The following GRM7 variants were observed in gnomAD, a reference collection of about 807,000 sequenced individuals.
GRM7 encodes the protein metabotropic glutamate receptor 7.
Under a neutral mutation model 84.5 loss-of-function variants are expected in GRM7, and 35 were observed. That is an observed-to-expected ratio of 0.41 (90% CI 0.32 to 0.55). GRM7 has a LOEUF of 0.55. GRM7 is among the 20% of genes least tolerant of loss of function. The pLI is 0.19. For synonymous variants in GRM7, 487 were observed against 455.1 expected (o/e 1.07, Z -0.89); for missense variants, 1,003 against 1,194.6 (o/e 0.84, Z 2.36).
At chr3:7,719,048 G>A (rs1225521641) in intron 9 of GRM7, among the ~76,000 whole-genome samples, 1 of 152,166 alleles carries the variant, frequency 6.6e-6, no homozygotes, top group African/African-American at 2.4e-5. Context: ...AATGAGATGG[G>A]TGGTTGTGGT....
At chr3:7,268,985 C>G (rs981840998) in intron 2 of GRM7, among the ~76,000 whole-genome samples, 1 of 152,146 alleles carries the variant, frequency 6.6e-6, no homozygotes, top group Non-Finnish European at 1.5e-5. Flanking sequence ...GACCCTCCAT[C>G]AGACAGAATG....
At chr3:7,443,420 T>C (rs916989073) in intron 5 of GRM7, among the ~76,000 whole-genome samples, 1 of 152,140 alleles carries the variant, frequency 6.6e-6, no homozygotes, top group African/African-American at 2.4e-5. Flanking sequence ...AATGTCTTTA[T>C]AAAATTTTTT....
chr3:7,519,325 G>T (rs1232400075), intron 7 of GRM7, among the ~76,000 whole-genome samples: 1 of 151,294 alleles, frequency 6.6e-6, no homozygotes, highest in Non-Finnish European at 1.5e-5. Context: ...TAGCACCACT[G>T]CACTCCAGGC....
At chr3:7,055,525 A>C (rs186621652) in intron 1 of GRM7, among the ~76,000 whole-genome samples, 2 of 149,098 alleles carry the variant, frequency 1.3e-5, no homozygotes, top group Middle Eastern at 3.4e-3. Context: ...ATATATATAC[A>C]TACACACACA....
intron 2 of GRM7, among the ~76,000 whole-genome samples, chr3:7,239,367 A>C (rs1697466077): frequency 6.6e-6 from 1 of 152,152 alleles, no homozygotes; most frequent in South Asian, 2.1e-4. Flanking sequence ...CTTTGAGGAA[A>C]GACGGAGCTG....
rs779474254 is a variant in GRM7, at chr3:7,291,138, CT to C, written c.737-7534del. On this transcript the variant is annotated intron_variant, in intron 2 of 9. Coordinates refer to ENST00000357716, the MANE Select transcript of GRM7 (RefSeq NM_000844.4). ...CTCTTTAGCTTTGTAATTTTCTTGA[CT>C]TTTTTTTTTTTAATATTCAGGAATT... Among the ~76,000 whole-genome samples, 597 of 145,394 alleles carry C rather than the reference CT, an allele frequency of 4.1e-3. 2 individuals carry two copies. The highest frequency in any genetic ancestry group is 0.011 in the African/African-American group (427 of 39,852).
At chr3:6,997,208 T>G (rs1694856392) in intron 1 of GRM7, among the ~76,000 whole-genome samples, 1 of 152,314 alleles carries the variant, frequency 6.6e-6, no homozygotes, top group South Asian at 2.1e-4. Context: ...ATTAATATTT[T>G]CTTGGTCAGG....
intron 1 of GRM7, among the ~76,000 whole-genome samples, chr3:6,872,343 C>T (rs991531952): frequency 1.3e-5 from 2 of 152,170 alleles, no homozygotes; most frequent in East Asian, 3.8e-4. Context: ...TCCAAGCTTG[C>T]ATGCTCCATT....
intron 4 of GRM7, among the ~76,000 whole-genome samples, chr3:7,331,895 T>G (rs112346357): frequency 2.6e-5 from 4 of 152,110 alleles, no homozygotes; most frequent in Admixed American, 1.3e-4. Context: ...AGTTTGACAC[T>G]GAGAAGTAGC....
chr3:6,960,686 C>T (rs1437873765), intron 1 of GRM7, among the ~76,000 whole-genome samples: 5 of 152,132 alleles, frequency 3.3e-5, no homozygotes, highest in Non-Finnish European at 7.4e-5. Flanking sequence ...TCCCAATCTC[C>T]AATATTTTCT....
intron 1 of GRM7, among the ~76,000 whole-genome samples, chr3:6,966,077 G>A (rs528158430): frequency 5.3e-5 from 8 of 152,296 alleles, no homozygotes; most frequent in African/African-American, 1.9e-4. Context: ...TATCACGAGT[G>A]CTATACGAAA....
chr3:6,955,924 G>T (rs919800026), intron 1 of GRM7, among the ~76,000 whole-genome samples: 1 of 151,906 alleles, frequency 6.6e-6, no homozygotes, highest in Non-Finnish European at 1.5e-5. Context: ...TGCTGGATTT[G>T]TGCAGTGACA....
chr3:7,075,515 T>C (rs1249079648), intron 1 of GRM7, among the ~76,000 whole-genome samples: 8 of 106,916 alleles, frequency 7.5e-5, no homozygotes, highest in African/African-American at 1.4e-4. Flanking sequence ...TGTGTGTGTG[T>C]GTGTGTGTGT....
At chr3:6,931,438 T>A (rs1412100231) in intron 1 of GRM7, among the ~76,000 whole-genome samples, 1 of 152,194 alleles carries the variant, frequency 6.6e-6, no homozygotes, top group Non-Finnish European at 1.5e-5. Context: ...TGTTCCCACC[T>A]TCCATTACGT....
intron 7 of GRM7, among the ~76,000 whole-genome samples, chr3:7,533,636 C>G (rs958551718): frequency 1.3e-5 from 2 of 152,134 alleles, no homozygotes; most frequent in African/African-American, 4.8e-5. Flanking sequence ...AGAGGAAACC[C>G]CAATCCTGAA....
At chr3:7,047,136 T>A (rs1696834710) in intron 1 of GRM7, among the ~76,000 whole-genome samples, 1 of 152,000 alleles carries the variant, frequency 6.6e-6, no homozygotes, top group Non-Finnish European at 1.5e-5. Flanking sequence ...ACTACCTGTT[T>A]TTTTTTTAAT....
At chr3:7,302,635 C>T (rs935593017) in intron 3 of GRM7, among the ~76,000 whole-genome samples, 3 of 151,906 alleles carry the variant, frequency 2.0e-5, no homozygotes, top group Non-Finnish European at 4.4e-5. Flanking sequence ...AATTTTTGGT[C>T]AGCTTTTATT....
intron 2 of GRM7, among the ~76,000 whole-genome samples, chr3:7,179,112 T>TA (rs1302400026): frequency 6.6e-6 from 1 of 151,742 alleles, no homozygotes; most frequent in African/African-American, 2.4e-5. Flanking sequence ...TTTAAAAAAA[T>TA]AAAAAAATGT....
At chr3:6,991,886 T>C (rs1694649235) in intron 1 of GRM7, among the ~76,000 whole-genome samples, 1 of 152,150 alleles carries the variant, frequency 6.6e-6, no homozygotes, top group Admixed American at 6.5e-5. Context: ...AACATATTCC[T>C]CTTTTAACCA....
Sources: gnomAD v4.1 joint callset for allele counts (sites outside exome capture counted in the v4.1 genomes callset) on GRCh38, gnomAD v4.1.1 for gene constraint, MANE v1.5 for transcripts, NCBI Gene and HGNC (gene_info 2026-07-23, HGNC 2026-07-21) for gene names.